Variants in ASTN2 observed in about 807,000 individuals in gnomAD.
ASTN2 encodes the protein astrotactin 2.
A neutral mutation model predicts 139.8 loss-of-function variants in ASTN2; 54 were observed. The observed-to-expected ratio is 0.39, with a 90% confidence interval of 0.31 to 0.48. ASTN2 has a LOEUF of 0.48. Ranked by LOEUF, ASTN2 falls within the 20% of genes least tolerant of loss-of-function variation. The pLI, the probability that ASTN2 is intolerant of heterozygous loss-of-function variation, is 0.95. For synonymous variants in ASTN2, 756 were observed against 719.5 expected, an observed-to-expected ratio of 1.05 and a Z score of -0.81; for missense variants, 1,565 against 1,725.1, an observed-to-expected ratio of 0.91 and a Z score of 1.64.
chr9:117,230,731 C>T (rs984548626), intron 2 of ASTN2, among the ~76,000 whole-genome samples: 1 of 152,152 alleles, frequency 6.6e-6, no homozygotes, highest in African/African-American at 2.4e-5. Context: ...AATAAGACCT[C>T]TTTTCTCATT....
At chr9:116,507,833 T>C (rs1467369379) in intron 19 of ASTN2, among the ~76,000 whole-genome samples, 1 of 152,196 alleles carries the variant, frequency 6.6e-6, no homozygotes, top group African/African-American at 2.4e-5. Flanking sequence ...TACAGGGACC[T>C]CATTAGCTTA....
At chr9:116,970,616 G>A (rs1481472816) in intron 10 of ASTN2, among the ~76,000 whole-genome samples, 1 of 152,210 alleles carries the variant, frequency 6.6e-6, no homozygotes, top group African/African-American at 2.4e-5. Context: ...TTTAAAATAT[G>A]GTAGGTGTTC....
intron 10 of ASTN2, among the ~76,000 whole-genome samples, chr9:116,914,373 C>T (rs982553940): frequency 1.3e-5 from 2 of 152,012 alleles, no homozygotes; most frequent in South Asian, 2.1e-4. Flanking sequence ...GACAACAGCT[C>T]TGAACTTCAG....
chr9:117,021,756 G>A (rs1837887843), intron 6 of ASTN2, among the ~76,000 whole-genome samples: 1 of 152,050 alleles, frequency 6.6e-6, no homozygotes, highest in South Asian at 2.1e-4. Context: ...ACAGGAATGT[G>A]GGAGGTAATA....
chr9:116,918,288 G>T (rs1387877732), intron 10 of ASTN2, among the ~76,000 whole-genome samples: 1 of 152,198 alleles, frequency 6.6e-6, no homozygotes, highest in Non-Finnish European at 1.5e-5. Context: ...TGCTCATTGA[G>T]CAGGAAACAG....
intron 11 of ASTN2, among the ~76,000 whole-genome samples, chr9:116,824,917 A>G (rs1292149162): frequency 6.6e-6 from 1 of 152,234 alleles, no homozygotes; most frequent in African/African-American, 2.4e-5. Context: ...TTGGGAAAAT[A>G]AAAACTCTGC....
At chr9:116,733,337 T>G in intron 14 of ASTN2, 62 bp downstream of exon 14, 1 of 1,597,188 alleles carries the variant, frequency 6.3e-7, no homozygotes, top group Non-Finnish European at 8.6e-7. Context: ...TGATATGCAC[T>G]AGGTGTGGAG....
chr9:116,505,346 G>A (rs1032738999), intron 19 of ASTN2, among the ~76,000 whole-genome samples: 1 of 152,010 alleles, frequency 6.6e-6, no homozygotes, highest in East Asian at 1.9e-4. Flanking sequence ...TGCCCAGCTC[G>A]CCTCCCTGTT....
At chr9:116,983,468 G>A (rs755729971) in intron 7 of ASTN2, among the ~76,000 whole-genome samples, 1 of 152,158 alleles carries the variant, frequency 6.6e-6, no homozygotes, top group Non-Finnish European at 1.5e-5. Context: ...AGGTCATAGG[G>A]CCAGGTCTCC....
intron 2 of ASTN2, among the ~76,000 whole-genome samples, chr9:117,234,627 T>G (rs1461260686): frequency 6.6e-6 from 1 of 152,190 alleles, no homozygotes; most frequent in Non-Finnish European, 1.5e-5. Context: ...AATAAAGCCA[T>G]AAAAGAGGCG....
At chr9:117,297,330 A>G (rs1346163956) in intron 1 of ASTN2, among the ~76,000 whole-genome samples, 3 of 152,206 alleles carry the variant, frequency 2.0e-5, no homozygotes, top group Non-Finnish European at 4.4e-5. Flanking sequence ...GACTTTAACC[A>G]ACCTTGCCAC....
At chr9:117,143,588 G>A (rs1478537186) in intron 3 of ASTN2, among the ~76,000 whole-genome samples, 9 of 152,200 alleles carry the variant, frequency 5.9e-5, no homozygotes, top group Admixed American at 5.9e-4. Context: ...TACCAATGCT[G>A]AGAACCAAAG....
chr9:117,092,028 CATT>C (rs2132746138), intron 5 of ASTN2, among the ~76,000 whole-genome samples: 1 of 152,206 alleles, frequency 6.6e-6, no homozygotes, highest in East Asian at 1.9e-4. Context: ...AGGAGATACT[CATT>C]ATTTTAATCT....
At chr9:117,017,784 T>G (rs1302513174) in intron 6 of ASTN2, among the ~76,000 whole-genome samples, 1 of 152,156 alleles carries the variant, frequency 6.6e-6, no homozygotes, top group Non-Finnish European at 1.5e-5. Flanking sequence ...CTATATATTT[T>G]GCATGTGTAT....
At chr9:116,670,778 T>A (rs988770804) in intron 16 of ASTN2, among the ~76,000 whole-genome samples, 8 of 152,186 alleles carry the variant, frequency 5.3e-5, no homozygotes, top group Non-Finnish European at 7.4e-5. Flanking sequence ...TAGCATTAAG[T>A]TGAGCTGAGG....
chr9:117,400,939 C>A (rs1830811249), intron 1 of ASTN2, among the ~76,000 whole-genome samples: 1 of 152,160 alleles, frequency 6.6e-6, no homozygotes, highest in African/African-American at 2.4e-5. Context: ...AACCACATGA[C>A]TTGCTTCGAG....
At chr9:116,524,328 C>T (rs1218864509) in intron 19 of ASTN2, among the ~76,000 whole-genome samples, 2 of 152,174 alleles carry the variant, frequency 1.3e-5, no homozygotes, top group Non-Finnish European at 2.9e-5. Context: ...GGCAAGTATA[C>T]TGCTGAAACA....
At chr9:117,152,050 C>A (rs958780078) in intron 3 of ASTN2, among the ~76,000 whole-genome samples, 3 of 152,084 alleles carry the variant, frequency 2.0e-5, no homozygotes, top group African/African-American at 7.2e-5. Context: ...TCCTTAAATT[C>A]TTTAAGCCTC....
At chr9:116,502,601 A>G (rs1053607468) in intron 19 of ASTN2, among the ~76,000 whole-genome samples, 3 of 151,106 alleles carry the variant, frequency 2.0e-5, no homozygotes, top group Non-Finnish European at 4.4e-5. Context: ...GTTGGTGAGG[A>G]GAGAGAGAGA....
Sources: gnomAD v4.1 joint callset for allele counts (sites outside exome capture counted in the v4.1 genomes callset) on GRCh38, gnomAD v4.1.1 for gene constraint, MANE v1.5 for transcripts, NCBI Gene and HGNC (gene_info 2026-07-23, HGNC 2026-07-21) for gene names.